The following DPY19L2 variants were observed in gnomAD, a reference collection of about 807,000 sequenced individuals.
DPY19L2 encodes dpy-19 like 2.
Under a neutral mutation model 97.9 loss-of-function variants are expected in DPY19L2, and 34 were observed. The observed-to-expected ratio is 0.35, with a 90% CI of 0.26 to 0.46. The LOEUF is 0.46. Among genes scored for constraint, DPY19L2 ranks in the 20% least tolerant of loss-of-function variants. DPY19L2 has a pLI of 1.00. For synonymous variants in DPY19L2, 230 were observed against 307.9 expected (o/e 0.75, Z 2.65); for missense variants, 623 against 911.4 (o/e 0.68, Z 4.07).
intron 11 of DPY19L2, among the ~76,000 whole-genome samples, chr12:63,610,949 A>C (rs981389347): frequency 6.6e-6 from 1 of 151,300 alleles, no homozygotes; most frequent in Non-Finnish European, 1.5e-5. Context: ...AAGAATAAAT[A>C]CAAATGTCCA....
At chr12:63,635,973 T>C (rs4044650) in intron 6 of DPY19L2, among the ~76,000 whole-genome samples, 152,128 of 152,134 alleles carry the variant, frequency 1, 76,061 homozygotes, top group Middle Eastern at 1. Context: ...AGACACATAA[T>C]TGTCAGATTC....
chr12:63,663,913 A>G (rs1896004509), intron 2 of DPY19L2, 68 bp from the exon 3 acceptor site: 2 of 1,021,898 alleles, frequency 2.0e-6, no homozygotes, highest in South Asian at 1.5e-5. Flanking sequence ...AATAAGCAAT[A>G]AGAAAGCCAT....
intron 21 of DPY19L2, among the ~76,000 whole-genome samples, chr12:63,562,853 C>T (rs530896853): frequency 2.7e-5 from 4 of 149,070 alleles, no homozygotes; most frequent in South Asian, 4.2e-4. Flanking sequence ...TGGAGTGCAA[C>T]GGCACAATCT....
intron 6 of DPY19L2, among the ~76,000 whole-genome samples, chr12:63,632,149 T>C (rs920260111): frequency 2.0e-5 from 3 of 152,256 alleles, no homozygotes; most frequent in East Asian, 1.9e-4. Context: ...CTTTGAAAAC[T>C]GGCACAAGAC....
chr12:63,613,620 T>C (rs1260758171), intron 11 of DPY19L2, among the ~76,000 whole-genome samples: 2 of 151,578 alleles, frequency 1.3e-5, no homozygotes, highest in African/African-American at 4.8e-5. Context: ...AAATCAAAAT[T>C]AGAAAAACTG....
chr12:63,573,297 C>T (rs1879225249), intron 19 of DPY19L2, among the ~76,000 whole-genome samples: 1 of 151,656 alleles, frequency 6.6e-6, no homozygotes, highest in Non-Finnish European at 1.5e-5. Flanking sequence ...CTGAAAAATG[C>T]AACTGACATA....
At chr12:63,609,144 A>T (rs904424115) in intron 11 of DPY19L2, among the ~76,000 whole-genome samples, 81 of 152,260 alleles carry the variant, frequency 5.3e-4, no homozygotes, top group Admixed American at 9.8e-4. Flanking sequence ...TATTATTTTT[A>T]AAAAATACAA....
chr12:63,593,274 G>C (rs535752218), intron 16 of DPY19L2, among the ~76,000 whole-genome samples: 1 of 152,258 alleles, frequency 6.6e-6, no homozygotes, highest in African/African-American at 2.4e-5. Context: ...ATTTGACCCA[G>C]CCATCCCATT....
Position 63,571,050 on chromosome 12 carries a change from T to C in DPY19L2, c.1901-193A>G, listed in dbSNP as rs192530997. Among the ~76,000 whole-genome samples the C allele has an allele frequency of 6.6e-5, 10 of 152,212 alleles. No individual in the cohort carries two copies. The East Asian group carries it at 1.7e-3, about 26-fold the overall frequency. On this transcript the variant is annotated intron_variant, in intron 19 of 21. Transcript: ENST00000324472. ...AATAGCTGACTTTTGTTAAATACTATCTTGGGGCTAGAAATTGTGCTCCAT... is the reference window on the plus strand; with the variant it reads ...AATAGCTGACTTTTGTTAAATACTACCTTGGGGCTAGAAATTGTGCTCCAT...
At chr12:63,600,500 G>A (rs7297009) in intron 12 of DPY19L2, 114 bp from the exon 13 acceptor site, 36,585 of 829,538 alleles carry the variant, frequency 0.044, 1,023 homozygotes, top group African/African-American at 0.073. Context: ...TATAAATGGT[G>A]AAGTTTTTAA....
intron 6 of DPY19L2, among the ~76,000 whole-genome samples, chr12:63,635,244 C>A (rs1205340059): frequency 2.0e-5 from 3 of 152,120 alleles, no homozygotes; most frequent in African/African-American, 7.2e-5. Flanking sequence ...GGAAAACTAA[C>A]AAACAGAAAG....
intron 6 of DPY19L2, among the ~76,000 whole-genome samples, chr12:63,634,255 G>A (rs182446336): frequency 6.6e-6 from 1 of 152,230 alleles, no homozygotes; most frequent in Admixed American, 6.5e-5. Flanking sequence ...AAATAATAAT[G>A]ATGGCAGCTG....
At chr12:63,583,876 T>A in intron 16 of DPY19L2, 40 bp from the exon 17 acceptor site, 1 of 1,547,930 alleles carries the variant, frequency 6.5e-7, no homozygotes. Context: ...ACTGAAGGTC[T>A]TTTATACTAT....
intron 6 of DPY19L2, among the ~76,000 whole-genome samples, chr12:63,643,641 TCA>T: frequency 6.6e-6 from 1 of 152,154 alleles, no homozygotes; most frequent in Non-Finnish European, 1.5e-5. Flanking sequence ...TGGCATTGGT[TCA>T]GCAGCAGAAG....
chr12:63,568,225 C>T (rs1878136635), intron 21 of DPY19L2, among the ~76,000 whole-genome samples: 1 of 151,906 alleles, frequency 6.6e-6, no homozygotes, highest in Non-Finnish European at 1.5e-5. Flanking sequence ...TCTTCAAATT[C>T]ACTGCATTTT....
intron 4 of DPY19L2, among the ~76,000 whole-genome samples, chr12:63,651,059 T>G (rs1258919764): frequency 6.6e-6 from 1 of 151,954 alleles, no homozygotes. Flanking sequence ...AACACACACA[T>G]AGACCAATGG....
intron 21 of DPY19L2, among the ~76,000 whole-genome samples, chr12:63,567,415 C>T (rs1026861328): frequency 6.6e-6 from 1 of 151,922 alleles, no homozygotes; most frequent in Non-Finnish European, 1.5e-5. Context: ...ATTTACTTAC[C>T]ATTTAAATTG....
chr12:63,583,222 T>G (rs1314564686), intron 17 of DPY19L2, among the ~76,000 whole-genome samples: 2 of 152,204 alleles, frequency 1.3e-5, no homozygotes, highest in African/African-American at 4.8e-5. Flanking sequence ...TCAAATTCAG[T>G]TACCCACTCC....
chr12:63,601,526 G>GA lies in DPY19L2; in HGVS notation c.1279-1141dup, dbSNP rs561752576. 1.4e-4 allele frequency among the ~76,000 whole-genome samples: 21 copies of GA among 152,234 alleles called. No individual in the cohort carries two copies. The East Asian group carries it at 3.7e-3, about 27-fold the overall frequency. On this transcript the variant is annotated intron_variant, in intron 12 of 21. Coordinates refer to ENST00000324472, the MANE Select transcript of DPY19L2 (RefSeq NM_173812.5). ...ACCTATGAATCGAAAAGGAGGCAAC[G>GA]AATCTATAGAGTTATACCTCAAGTC...
Sources: gnomAD v4.1 joint callset for allele counts (sites outside exome capture counted in the v4.1 genomes callset) on GRCh38, gnomAD v4.1.1 for gene constraint, MANE v1.5 for transcripts, NCBI Gene and HGNC (gene_info 2026-07-23, HGNC 2026-07-21) for gene names.